DLGAP2: variants seen among roughly 807,000 people sequenced by gnomAD.
DLGAP2 encodes the protein DLG associated protein 2, also known as disks large-associated protein 2.
In DLGAP2, 26 loss-of-function variants were observed where a neutral mutation model predicts 100.3. The ratio of observed to expected loss-of-function variants is 0.26; its 90% CI spans 0.19 to 0.36. The LOEUF (loss-of-function observed/expected upper bound fraction) is 0.36, where lower values mean the gene tolerates loss of function less well. Ranked by LOEUF, DLGAP2 falls within the 10% of genes least tolerant of loss-of-function variation. The pLI, the probability that DLGAP2 is intolerant of heterozygous loss-of-function variation, is 1.00. For missense variants in DLGAP2, 1,858 were observed against 1,453.2 expected (o/e 1.28, Z -4.53); for synonymous variants, 886 against 630.1 (o/e 1.41, Z -6.08).
intron 2 of DLGAP2, among the ~76,000 whole-genome samples, chr8:989,907 T>C (rs1033155799): frequency 2.8e-4 from 42 of 152,150 alleles, no homozygotes; most frequent in African/African-American, 9.9e-4. Context: ...CTTTTAAAAA[T>C]AACTGAATTG....
intron 3 of DLGAP2, among the ~76,000 whole-genome samples, chr8:1,372,381 G>A (rs1369292749): frequency 1.3e-5 from 2 of 152,232 alleles, no homozygotes; most frequent in African/African-American, 4.8e-5. Flanking sequence ...CGACTCTGCA[G>A]GCGAGCAAAG....
intron 3 of DLGAP2, among the ~76,000 whole-genome samples, chr8:1,340,755 C>A (rs893777173): frequency 6.6e-6 from 1 of 152,210 alleles, no homozygotes; most frequent in Non-Finnish European, 1.5e-5. Context: ...AGAAACCCTT[C>A]TGTGACATGC....
chr8:1,053,215 G>A (rs939438380), intron 2 of DLGAP2, among the ~76,000 whole-genome samples: 49 of 152,122 alleles, frequency 3.2e-4, no homozygotes, highest in African/African-American at 1.1e-3. Context: ...CATCAGATTC[G>A]GAACCTTCTC....
At chr8:762,465 G>A (rs893829542) in intron 1 of DLGAP2, among the ~76,000 whole-genome samples, 1 of 152,200 alleles carries the variant, frequency 6.6e-6, no homozygotes, top group African/African-American at 2.4e-5. Context: ...GAATTAAGAG[G>A]TGAAACAGAG....
At chr8:948,136 T>C (rs930875220) in intron 2 of DLGAP2, among the ~76,000 whole-genome samples, 1 of 152,204 alleles carries the variant, frequency 6.6e-6, no homozygotes, top group Non-Finnish European at 1.5e-5. Context: ...CAGTGCGGGC[T>C]GATCTGCTGC....
chr8:980,314 C>T (rs1800292681), intron 2 of DLGAP2, among the ~76,000 whole-genome samples: 1 of 152,162 alleles, frequency 6.6e-6, no homozygotes, highest in South Asian at 2.1e-4. Flanking sequence ...TGGTTAATGA[C>T]CTGGGAAAGA....
At position 1,491,621 on chromosome 8, in the gene DLGAP2, G is replaced by A. The variant is rs888216335; in HGVS notation, c.107-9745G>A. Among the ~76,000 whole-genome samples, 9 of 152,186 alleles carry A rather than the reference G, an allele frequency of 5.9e-5. No individual in the cohort carries two copies. The South Asian group carries it at 6.2e-4, about 11-fold the overall frequency. On this transcript the variant is annotated intron_variant, in intron 3 of 14. Transcript: ENST00000637795. The stretch of plus-strand genomic sequence containing the variant: ...TAGATGGTAGTGCAGGGGACCTAAC[G>A]CCGCATGTATTTGGAATTTAGATCT...
At chr8:1,144,067 A>G (rs142141119) in intron 2 of DLGAP2, among the ~76,000 whole-genome samples, 10 of 152,304 alleles carry the variant, frequency 6.6e-5, no homozygotes, top group Middle Eastern at 3.4e-3. Flanking sequence ...TGTTTCCTCC[A>G]TTGCATACCT....
intron 2 of DLGAP2, among the ~76,000 whole-genome samples, chr8:1,005,810 C>G (rs78176149): frequency 1.3e-5 from 2 of 152,062 alleles, no homozygotes; most frequent in South Asian, 4.2e-4. Flanking sequence ...TTGAGTGTCC[C>G]TGTTGAAATT....
intron 3 of DLGAP2, among the ~76,000 whole-genome samples, chr8:1,483,050 C>A (rs1459998897): frequency 6.6e-6 from 1 of 152,170 alleles, no homozygotes; most frequent in Admixed American, 6.5e-5. Context: ...GAGTGAGCCT[C>A]CGGCGCGCGC....
chr8:1,414,863 G>A lies in DLGAP2; in HGVS notation c.107-86503G>A, dbSNP rs547270597. On this transcript the variant is annotated intron_variant, in intron 3 of 14. Transcript: ENST00000637795. ...ATGTCTACTAAAAGTACAAAAATTA[G>A]CCAGGCGTGGTGGCAGGCATCTGTA... Among the ~76,000 whole-genome samples the A allele has an allele frequency of 1.9e-4, 29 of 152,262 alleles. No homozygotes were observed. The East Asian group carries it at 3.7e-3, about 19-fold the overall frequency.
intron 2 of DLGAP2, among the ~76,000 whole-genome samples, chr8:947,242 T>C (rs11782261): frequency 0.067 from 10,216 of 152,190 alleles, 490 homozygotes; most frequent in Admixed American, 0.13. Flanking sequence ...CCACACTCTC[T>C]ACCAGGAATC....
intron 4 of DLGAP2, among the ~76,000 whole-genome samples, chr8:1,518,265 C>G (rs926308311): frequency 6.6e-6 from 1 of 152,174 alleles, no homozygotes; most frequent in Admixed American, 6.5e-5. Context: ...CATTCTGGCC[C>G]TAATGAAATC....
At chr8:1,589,991 G>A (rs954529441) in intron 6 of DLGAP2, among the ~76,000 whole-genome samples, 6 of 152,170 alleles carry the variant, frequency 3.9e-5, no homozygotes, top group Non-Finnish European at 5.9e-5. Context: ...GGAGCCAGAA[G>A]TCTGAAATCA....
chr8:942,051 T>C (rs1487018922), intron 2 of DLGAP2, among the ~76,000 whole-genome samples: 1 of 152,190 alleles, frequency 6.6e-6, no homozygotes, highest in African/African-American at 2.4e-5. Context: ...TCTCGAATTC[T>C]AGGCTTCAGT....
chr8:1,365,206 G>A (rs754558498), intron 3 of DLGAP2, among the ~76,000 whole-genome samples: 3 of 152,134 alleles, frequency 2.0e-5, no homozygotes, highest in Non-Finnish European at 4.4e-5. Flanking sequence ...ACTTCTACCC[G>A]GTCCACACCT....
chr8:1,624,462 C>A (rs889579149), intron 6 of DLGAP2, among the ~76,000 whole-genome samples: 1 of 151,902 alleles, frequency 6.6e-6, no homozygotes. Flanking sequence ...GGCACGTGGA[C>A]ACATTCAAAG....
At chr8:1,596,657 C>G (rs1457465921) in intron 6 of DLGAP2, among the ~76,000 whole-genome samples, 4 of 152,060 alleles carry the variant, frequency 2.6e-5, no homozygotes, top group African/African-American at 9.7e-5. Flanking sequence ...GTTTGTTGGC[C>G]TCATAAATGT....
At chr8:1,204,682 G>C (rs1294651579) in intron 2 of DLGAP2, among the ~76,000 whole-genome samples, 1 of 152,138 alleles carries the variant, frequency 6.6e-6, no homozygotes, top group Non-Finnish European at 1.5e-5. Flanking sequence ...CATCCTTCTT[G>C]TGAGATCCTT....
Sources: gnomAD v4.1 joint callset for allele counts (sites outside exome capture counted in the v4.1 genomes callset) on GRCh38, gnomAD v4.1.1 for gene constraint, MANE v1.5 for transcripts, NCBI Gene and HGNC (gene_info 2026-07-23, HGNC 2026-07-21) for gene names.